The following EYS variants were observed in gnomAD, a reference collection of about 807,000 sequenced individuals.
EYS encodes protein eyes shut homolog.
A neutral mutation model predicts 282.1 loss-of-function variants in EYS; 250 were observed. The ratio of observed to expected loss-of-function variants is 0.89; its 90% CI spans 0.80 to 0.98. The LOEUF is 0.98. Among genes scored for constraint, EYS ranks in the 50% least tolerant of loss-of-function variants. The pLI is 0.00. For synonymous variants in EYS, 1,355 were observed against 1,282.9 expected (o/e 1.06, Z -1.20); for missense variants, 4,016 against 3,709.0 (o/e 1.08, Z -2.15).
At chr6:64,901,730 T>G (rs1311728776) in intron 18 of EYS, among the ~76,000 whole-genome samples, 1 of 152,078 alleles carries the variant, frequency 6.6e-6, no homozygotes, top group African/African-American at 2.4e-5. Context: ...AATGTTGGTA[T>G]ATATTTAATA....
chr6:64,159,633 A>C (rs1412376123), intron 31 of EYS, among the ~76,000 whole-genome samples: 1 of 151,822 alleles, frequency 6.6e-6, no homozygotes, highest in Non-Finnish European at 1.5e-5. Flanking sequence ...TTTTCTCCTG[A>C]ATATTTTCAA....
intron 35 of EYS, among the ~76,000 whole-genome samples, chr6:63,955,735 G>A (rs1264756006): frequency 6.6e-6 from 1 of 152,036 alleles, no homozygotes; most frequent in Non-Finnish European, 1.5e-5. Flanking sequence ...AAAACTCAAG[G>A]ATACAGCCCA....
chr6:64,965,889 G>A (rs1358861403), intron 14 of EYS, among the ~76,000 whole-genome samples: 1 of 151,996 alleles, frequency 6.6e-6, no homozygotes, highest in Non-Finnish European at 1.5e-5. Flanking sequence ...TGAAAGTTCT[G>A]TCTTTTTTAA....
chr6:64,930,462 A>T (rs1768679204), intron 15 of EYS, among the ~76,000 whole-genome samples: 1 of 10,216 alleles, frequency 9.8e-5, no homozygotes, highest in Non-Finnish European at 1.5e-4. Context: ...TAAATAAGGT[A>T]AAAAAAAAAA....
At chr6:63,877,783 C>T (rs1166665427) in intron 35 of EYS, among the ~76,000 whole-genome samples, 2 of 152,180 alleles carry the variant, frequency 1.3e-5, no homozygotes, top group African/African-American at 4.8e-5. Context: ...CTTGTGCATG[C>T]ATCACGTAGT....
intron 22 of EYS, among the ~76,000 whole-genome samples, chr6:64,634,526 T>C (rs1490445884): frequency 7.3e-6 from 1 of 136,822 alleles, no homozygotes; most frequent in Non-Finnish European, 1.5e-5. Context: ...GTGCGTATAC[T>C]CAGTAAGATA....
intron 31 of EYS, among the ~76,000 whole-genome samples, chr6:64,164,777 TAAA>T (rs1220757941): frequency 6.6e-6 from 1 of 152,134 alleles, no homozygotes; most frequent in Non-Finnish European, 1.5e-5. Context: ...GCTGAATGAA[TAAA>T]AAGACAAATT....
At chr6:64,391,122 A>C (rs907132905) in intron 28 of EYS, among the ~76,000 whole-genome samples, 6 of 152,210 alleles carry the variant, frequency 3.9e-5, no homozygotes, top group Non-Finnish European at 5.9e-5. Flanking sequence ...ATATGGGACT[A>C]TGTGAAAAGA....
At chr6:65,181,147 G>A (rs983469390) in intron 12 of EYS, among the ~76,000 whole-genome samples, 10 of 152,084 alleles carry the variant, frequency 6.6e-5, no homozygotes, top group South Asian at 4.1e-4. Flanking sequence ...ATAGGCATCG[G>A]CAAGGACTTC....
chr6:64,050,019 A>G (rs1265145774), intron 33 of EYS, among the ~76,000 whole-genome samples: 1 of 152,136 alleles, frequency 6.6e-6, no homozygotes, highest in Admixed American at 6.6e-5. Context: ...CTGTGTAGGC[A>G]GTGAGTTTCT....
At chr6:64,787,618 T>A (rs62415504) in intron 22 of EYS, among the ~76,000 whole-genome samples, 1 of 151,288 alleles carries the variant, frequency 6.6e-6, no homozygotes, top group Non-Finnish European at 1.5e-5. Context: ...AATGAATTAT[T>A]CCTTTTTACT....
chr6:64,273,318 A>T (rs1015720325), intron 30 of EYS, among the ~76,000 whole-genome samples: 30 of 152,152 alleles, frequency 2.0e-4, no homozygotes, highest in Admixed American at 1.8e-3. Flanking sequence ...CTATTTTCTG[A>T]TCGACTTCTT....
intron 19 of EYS, among the ~76,000 whole-genome samples, chr6:64,882,899 C>G (rs561898694): frequency 6.6e-6 from 1 of 151,428 alleles, no homozygotes; most frequent in African/African-American, 2.4e-5. Context: ...ATCAGAATTT[C>G]ACAAAACTAT....
chr6:65,121,739 C>G (rs1388785994), intron 12 of EYS, among the ~76,000 whole-genome samples: 1 of 152,004 alleles, frequency 6.6e-6, no homozygotes, highest in South Asian at 2.1e-4. Flanking sequence ...TACAGTGATA[C>G]GTGTATAATA....
At chr6:63,945,310 T>C (rs1389232119) in intron 35 of EYS, among the ~76,000 whole-genome samples, 1 of 152,036 alleles carries the variant, frequency 6.6e-6, no homozygotes, top group Non-Finnish European at 1.5e-5. Flanking sequence ...CATCAGATCT[T>C]GTGAGAACTA....
At chr6:64,816,035 T>A (rs1200856788) in intron 21 of EYS, among the ~76,000 whole-genome samples, 1 of 152,108 alleles carries the variant, frequency 6.6e-6, no homozygotes, top group African/African-American at 2.4e-5. Context: ...TTACCCAATG[T>A]CATCTTTATC....
At chr6:64,020,005 C>T (rs1769109357) in intron 33 of EYS, among the ~76,000 whole-genome samples, 1 of 151,882 alleles carries the variant, frequency 6.6e-6, no homozygotes, top group Non-Finnish European at 1.5e-5. Flanking sequence ...CTCCTCTTAA[C>T]ATTTTCGCAG....
At chr6:64,846,102 C>A (rs1765706057) in intron 19 of EYS, among the ~76,000 whole-genome samples, 1 of 152,146 alleles carries the variant, frequency 6.6e-6, no homozygotes, top group African/African-American at 2.4e-5. Context: ...CAATAACTCT[C>A]TGTTTATCCA....
intron 35 of EYS, among the ~76,000 whole-genome samples, chr6:63,901,884 TTTTA>T (rs1299112334): frequency 2.6e-5 from 4 of 151,958 alleles, no homozygotes; most frequent in East Asian, 1.9e-4. Context: ...GATTTTGGAT[TTTTA>T]TTTATTTATT....
Sources: allele counts gnomAD v4.1 joint callset (sites outside exome capture counted in the v4.1 genomes callset), GRCh38; gene constraint gnomAD v4.1.1; transcripts MANE v1.5; gene names NCBI Gene and HGNC (gene_info 2026-07-23, HGNC 2026-07-21).